SLC9A9: variants seen among roughly 807,000 people sequenced by gnomAD.
SLC9A9 encodes the protein solute carrier family 9 member A9, also known as sodium/hydrogen exchanger 9.
Under a neutral mutation model 77.8 loss-of-function variants are expected in SLC9A9, and 62 were observed. The observed-to-expected ratio is 0.80, with a 90% CI of 0.65 to 0.98. The LOEUF is 0.98. Ranked by LOEUF, SLC9A9 falls within the 50% of genes least tolerant of loss-of-function variation. The probability of loss-of-function intolerance (pLI) is 0.00; values close to 1 mark genes in which losing one functional copy is unlikely to be tolerated. For missense variants in SLC9A9, 775 were observed against 774.9 expected, an observed-to-expected ratio of 1.00 and a Z score of 0.00; for synonymous variants, 320 against 283.5, an observed-to-expected ratio of 1.13 and a Z score of -1.29.
chr3:143,449,811 A>AATATATATT (rs1167622160), intron 12 of SLC9A9, among the ~76,000 whole-genome samples: 73 of 45,526 alleles, frequency 1.6e-3, no homozygotes, highest in Non-Finnish European at 2.0e-3. Context: ...TATATATATA[A>AATATATATT]TTATATATTT....
At chr3:143,809,511 C>T (rs1559808310) in intron 2 of SLC9A9, among the ~76,000 whole-genome samples, 1 of 152,228 alleles carries the variant, frequency 6.6e-6, no homozygotes. Flanking sequence ...TGCTGCTGTA[C>T]TAACCTCCAG....
intron 12 of SLC9A9, among the ~76,000 whole-genome samples, chr3:143,412,725 G>A (rs1267363123): frequency 6.6e-6 from 1 of 152,112 alleles, no homozygotes; most frequent in Non-Finnish European, 1.5e-5. Context: ...TTCCTTAGTG[G>A]CAGCACATAA....
At chr3:143,661,565 C>T (rs1242055) in intron 5 of SLC9A9, among the ~76,000 whole-genome samples, 4,708 of 152,250 alleles carry the variant, frequency 0.031, 105 homozygotes, top group Middle Eastern at 0.088. Flanking sequence ...TCTTCACTCT[C>T]CTTTGTAAAC....
chr3:143,725,147 G>C (rs1388420629), intron 4 of SLC9A9, among the ~76,000 whole-genome samples: 5 of 152,178 alleles, frequency 3.3e-5, no homozygotes. Flanking sequence ...TTTGAAGACA[G>C]GAGAGGCATC....
chr3:143,345,926 A>C (rs2108468784), intron 14 of SLC9A9, among the ~76,000 whole-genome samples: 1 of 152,328 alleles, frequency 6.6e-6, no homozygotes, highest in South Asian at 2.1e-4. Context: ...ATCAGGTCAA[A>C]GAAGGATCTC....
At chr3:143,431,289 G>A (rs1244090845) in intron 12 of SLC9A9, among the ~76,000 whole-genome samples, 1 of 152,076 alleles carries the variant, frequency 6.6e-6, no homozygotes, top group Non-Finnish European at 1.5e-5. Context: ...CTTCGTTTAT[G>A]CCACTATAGC....
At chr3:143,383,086 T>C (rs901131505) in intron 12 of SLC9A9, among the ~76,000 whole-genome samples, 1 of 152,254 alleles carries the variant, frequency 6.6e-6, no homozygotes, top group Non-Finnish European at 1.5e-5. Context: ...TGCTTTGCCA[T>C]TGAATATATT....
chr3:143,492,841 C>T (rs746398107), intron 11 of SLC9A9, among the ~76,000 whole-genome samples: 1 of 152,132 alleles, frequency 6.6e-6, no homozygotes, highest in Non-Finnish European at 1.5e-5. Flanking sequence ...TCTCATGTAT[C>T]CCCCAATAAC....
chr3:143,578,875 T>G, intron 6 of SLC9A9, 152 bp from the exon 7 acceptor site: 1 of 910,282 alleles, frequency 1.1e-6, no homozygotes, highest in Non-Finnish European at 1.8e-6. Flanking sequence ...AGGGGAGAGT[T>G]GGAGAATGCA....
At position 143,495,396 on chromosome 3, in the gene SLC9A9, C is replaced by A. The variant is rs917844916; in HGVS notation, c.1142G>T (p.Gly381Val). 6.2e-7 allele frequency: 1 copy of A among 1,614,060 alleles called. No homozygotes were observed. The highest frequency in any genetic ancestry group is 8.5e-7 in the Non-Finnish European group (1 of 1,179,974). The change falls in exon 10 of 16, where the codon GGC becomes GTC. Residue 381 changes from glycine to valine, a missense_variant. Physicochemically the swap from Gly to Val is moderately radical, Grantham distance 109. Transcript: ENST00000316549. ...ATTCTGGAACGTGAACAGTGCCAGG[C>A]CCATGTAACAGAAGATGACGTTCTC... ...LAENVIFCYM[G>V]LALFTFQNHI... is the part of the protein sequence containing the mutation.
intron 4 of SLC9A9, among the ~76,000 whole-genome samples, chr3:143,727,908 T>A (rs1934700696): frequency 6.6e-6 from 1 of 152,262 alleles, no homozygotes; most frequent in African/African-American, 2.4e-5. Flanking sequence ...ATGTCTATTT[T>A]GTGCCAGACG....
intron 6 of SLC9A9, among the ~76,000 whole-genome samples, chr3:143,648,061 G>T (rs547297371): frequency 2.9e-4 from 44 of 152,228 alleles, no homozygotes; most frequent in African/African-American, 9.4e-4. Flanking sequence ...ATAAATAAGG[G>T]TAGAAATTAT....
rs56823137 is a variant in SLC9A9, at chr3:143,653,384, A to G, written c.650-1024T>C. 7.9e-3 allele frequency among the ~76,000 whole-genome samples: 1,204 copies of G among 152,324 alleles called. 10 individuals carry two copies. The highest frequency in any genetic ancestry group is 0.027 in the African/African-American group (1,113 of 41,568). ...ACAGCAATCATTAGGAAAATGATCC[A>G]TTGAATTAATTGCCAAGGGGGAAAG... On this transcript the variant is annotated intron_variant, in intron 5 of 15. Transcript: ENST00000316549.
At chr3:143,578,498 G>T (rs2037400023) in intron 7 of SLC9A9, 87 bp downstream of exon 7, 3 of 1,594,292 alleles carry the variant, frequency 1.9e-6, no homozygotes, top group Middle Eastern at 1.7e-4. Flanking sequence ...CCTTTTATGG[G>T]CCTGGAGGTT....
intron 6 of SLC9A9, among the ~76,000 whole-genome samples, chr3:143,613,616 A>G (rs1165401218): frequency 6.6e-6 from 1 of 152,140 alleles, no homozygotes; most frequent in Non-Finnish European, 1.5e-5. Flanking sequence ...ATAATTGGAC[A>G]GCTAAATGGC....
intron 11 of SLC9A9, among the ~76,000 whole-genome samples, chr3:143,492,058 C>T (rs138436193): frequency 0.014 from 2,148 of 151,826 alleles, 42 homozygotes; most frequent in East Asian, 0.12. Context: ...TTTGGGAGGC[C>T]GGGGCGGGTG....
chr3:143,383,649 C>T (rs768525533), intron 12 of SLC9A9, among the ~76,000 whole-genome samples: 18 of 152,214 alleles, frequency 1.2e-4, no homozygotes, highest in South Asian at 2.1e-4. Context: ...TCCTCTGTTT[C>T]CAGAGAGAGT....
intron 6 of SLC9A9, among the ~76,000 whole-genome samples, chr3:143,624,825 T>C (rs1168335860): frequency 6.6e-6 from 1 of 152,158 alleles, no homozygotes; most frequent in Non-Finnish European, 1.5e-5. Flanking sequence ...AATCAAATTG[T>C]CCCTGTTTGC....
chr3:143,347,340 T>C (rs530486847), intron 14 of SLC9A9, among the ~76,000 whole-genome samples: 2 of 152,276 alleles, frequency 1.3e-5, no homozygotes, highest in South Asian at 4.1e-4. Context: ...AGAAATAGTT[T>C]TGTTTGTTTG....
Sources: gnomAD v4.1 joint callset for allele counts (sites outside exome capture counted in the v4.1 genomes callset) on GRCh38, gnomAD v4.1.1 for gene constraint, MANE v1.5 for transcripts, NCBI Gene and HGNC (gene_info 2026-07-23, HGNC 2026-07-21) for gene names.